The following UNC13C variants were observed in gnomAD, a reference collection of about 807,000 sequenced individuals.
UNC13C encodes unc-13 homolog C.
In UNC13C, 174 loss-of-function variants were observed where a neutral mutation model predicts 245.4. The observed-to-expected ratio is 0.71, with a 90% confidence interval of 0.63 to 0.80. The LOEUF is 0.80. Among genes scored for constraint, UNC13C ranks in the 30% least tolerant of loss-of-function variants. UNC13C has a pLI of 0.00. For missense variants in UNC13C, 2,829 were observed against 2,602.9 expected (o/e 1.09, Z -1.89); for synonymous variants, 992 against 895.1 (o/e 1.11, Z -1.93).
rs75809668 is a variant in UNC13C, at chr15:54,293,051, G to A, written c.3819-844G>A. ...TGTATTTTAATCCAAGTTCAAGAAT[G>A]CTCAGAACTCATCCATGAACCCTGA... On this transcript the variant is annotated intron_variant, in intron 10 of 32. Coordinates refer to ENST00000260323, the MANE Select transcript of UNC13C (RefSeq NM_001080534.3). Among the ~76,000 whole-genome samples the A allele has an allele frequency of 1.1e-3, 173 of 151,602 alleles. 3 individuals carry two copies. In the East Asian group the frequency reaches 0.032, roughly 28 times the overall value.
At chr15:54,055,583 T>G (rs1029904599) in intron 2 of UNC13C, among the ~76,000 whole-genome samples, 1 of 152,194 alleles carries the variant, frequency 6.6e-6, no homozygotes, top group Admixed American at 6.5e-5. Flanking sequence ...ATGTGAGTAT[T>G]TGATGCTTTT....
At chr15:54,012,528 T>A (rs889133174) in intron 1 of UNC13C, among the ~76,000 whole-genome samples, 120 bp from the exon 2 acceptor site, 14 of 152,230 alleles carry the variant, frequency 9.2e-5, no homozygotes, top group African/African-American at 3.4e-4. Context: ...TCATATATTC[T>A]CCTACTTCCT....
chr15:54,034,633 T>C (rs1410946929), intron 2 of UNC13C, among the ~76,000 whole-genome samples: 3 of 152,224 alleles, frequency 2.0e-5, no homozygotes, highest in Non-Finnish European at 4.4e-5. Flanking sequence ...ATTTGCTTGA[T>C]TTGCATGGTA....
At chr15:53,859,914 T>C in the UNC13C span, among the ~76,000 whole-genome samples, 23 of 152,326 alleles carry the variant, frequency 1.5e-4, no homozygotes, top group African/African-American at 5.1e-4. Context: ...TTTGTCTTTC[T>C]CTGGTTCTTT....
chr15:54,135,774 C>G (rs536242461), intron 2 of UNC13C, among the ~76,000 whole-genome samples: 6 of 152,182 alleles, frequency 3.9e-5, no homozygotes, highest in African/African-American at 1.4e-4. Flanking sequence ...ATTGCTTTGG[C>G]TATTCAGGGC....
chr15:54,361,565 C>T (rs1367734979), intron 17 of UNC13C, among the ~76,000 whole-genome samples: 1 of 152,158 alleles, frequency 6.6e-6, no homozygotes, highest in African/African-American at 2.4e-5. Context: ...TTTAACAATG[C>T]TTGCATTGAT....
intron 13 of UNC13C, chr15:54,321,501 C>T (rs569325391): frequency 1.4e-4 from 66 of 478,924 alleles, no homozygotes; most frequent in African/African-American, 1.2e-3. Context: ...GCATATGTGA[C>T]AAACCCAAAG....
chr15:54,431,629 G>A (rs1475101643), intron 19 of UNC13C, among the ~76,000 whole-genome samples: 1 of 151,592 alleles, frequency 6.6e-6, no homozygotes, highest in Non-Finnish European at 1.5e-5. Flanking sequence ...TTGCCACTGA[G>A]GAAGTATTTT....
chr15:54,449,881 G>A (rs985854246), intron 19 of UNC13C, among the ~76,000 whole-genome samples: 1 of 152,164 alleles, frequency 6.6e-6, no homozygotes, highest in African/African-American at 2.4e-5. Flanking sequence ...TTTCTGCTCT[G>A]TTTTTTCCCC....
intron 4 of UNC13C, among the ~76,000 whole-genome samples, chr15:54,149,607 A>T (rs1277826919): frequency 1.3e-5 from 2 of 152,122 alleles, no homozygotes; most frequent in African/African-American, 4.8e-5. Context: ...TTCCTTTGTT[A>T]ATTTCTTCTT....
At chr15:54,363,337 G>T (rs920732510) in intron 17 of UNC13C, among the ~76,000 whole-genome samples, 3 of 152,202 alleles carry the variant, frequency 2.0e-5, no homozygotes, top group African/African-American at 7.2e-5. Flanking sequence ...TTGAACTCCT[G>T]ACCTCAGGTG....
intron 30 of UNC13C, among the ~76,000 whole-genome samples, chr15:54,580,420 T>C (rs1898148020): frequency 6.6e-6 from 1 of 152,218 alleles, no homozygotes; most frequent in African/African-American, 2.4e-5. Flanking sequence ...AAACCTCTGG[T>C]GTAAAACTCT....
At chr15:54,449,438 G>A (rs186167935) in intron 19 of UNC13C, among the ~76,000 whole-genome samples, 67 of 152,146 alleles carry the variant, frequency 4.4e-4, no homozygotes, top group African/African-American at 1.4e-3. Flanking sequence ...TGGTCTTTTC[G>A]CACAGTCCCA....
At chr15:54,397,362 T>C (rs1278903359) in intron 18 of UNC13C, among the ~76,000 whole-genome samples, 2 of 151,590 alleles carry the variant, frequency 1.3e-5, no homozygotes, top group African/African-American at 4.8e-5. Context: ...TCTGAAGTTC[T>C]TTGTAATCTG....
intron 17 of UNC13C, among the ~76,000 whole-genome samples, chr15:54,350,619 C>T (rs1596266298): frequency 6.6e-6 from 1 of 152,110 alleles, no homozygotes. Flanking sequence ...CTTTGTATAA[C>T]TTTTCAATTG....
intron 19 of UNC13C, among the ~76,000 whole-genome samples, chr15:54,442,562 G>A (rs1385405630): frequency 6.6e-6 from 1 of 151,980 alleles, no homozygotes; most frequent in Admixed American, 6.6e-5. Flanking sequence ...TCCTCACCCA[G>A]TATGATGTTA....
chr15:54,273,892 TC>T (rs1462856488), intron 10 of UNC13C, among the ~76,000 whole-genome samples: 1 of 152,204 alleles, frequency 6.6e-6, no homozygotes, highest in Non-Finnish European at 1.5e-5. Context: ...AGTCTGCAGA[TC>T]CCTGTTGACT....
At chr15:54,379,338 GGT>G (rs1200959885) in intron 17 of UNC13C, among the ~76,000 whole-genome samples, 1 of 151,978 alleles carries the variant, frequency 6.6e-6, no homozygotes, top group Non-Finnish European at 1.5e-5. Flanking sequence ...CAGGTCTGAA[GGT>G]GAAAGATACA....
intron 18 of UNC13C, among the ~76,000 whole-genome samples, chr15:54,411,095 A>G (rs1276503379): frequency 6.6e-6 from 1 of 152,136 alleles, no homozygotes; most frequent in African/African-American, 2.4e-5. Context: ...CTAATGACTA[A>G]TAATGTTGAG....
Sources: gnomAD v4.1 joint callset for allele counts (sites outside exome capture counted in the v4.1 genomes callset) on GRCh38, gnomAD v4.1.1 for gene constraint, MANE v1.5 for transcripts, NCBI Gene and HGNC (gene_info 2026-07-23, HGNC 2026-07-21) for gene names.